The following ACMSD variants were observed in gnomAD, a reference collection of about 807,000 sequenced individuals.
ACMSD encodes the protein 2-amino-3-carboxymuconate-6-semialdehyde decarboxylase.
ACMSD carries 37 observed loss-of-function variants against 45.9 expected under a neutral mutation model. The observed-to-expected ratio is 0.81, with a 90% CI of 0.62 to 1.06. The LOEUF is 1.06. Ranked by LOEUF, ACMSD falls within the 50% of genes least tolerant of loss-of-function variation. The pLI is 0.00. For synonymous variants in ACMSD, 138 were observed against 148.8 expected (o/e 0.93, Z 0.53); for missense variants, 434 against 420.9 (o/e 1.03, Z -0.27).
chr2:134,894,292 G>A (rs192244524), intron 8 of ACMSD, among the ~76,000 whole-genome samples: 26 of 151,812 alleles, frequency 1.7e-4, no homozygotes, highest in Admixed American at 1.2e-3. Flanking sequence ...GAAATAGGAC[G>A]GCAGTACTAC....
chr2:134,862,960 G>T, intron 4 of ACMSD: 1 of 985,478 alleles, frequency 1.0e-6, no homozygotes, highest in Non-Finnish European at 1.2e-6. Context: ...GGCAGGACAA[G>T]TCAGTGAGCC....
Position 134,859,376 on chromosome 2 carries a change from C to G in ACMSD, c.199+19C>G, listed in dbSNP as rs1196107334. 1 of 1,600,200 alleles carries G rather than the reference C, an allele frequency of 6.2e-7. No individual in the cohort carries two copies. The highest frequency in any genetic ancestry group is 2.2e-5 in the East Asian group (1 of 44,842). On this transcript the variant is annotated intron_variant, in intron 3 of 9. Coordinates refer to ENST00000356140, the MANE Select transcript of ACMSD (RefSeq NM_138326.3). The stretch of plus-strand genomic sequence containing the variant: ...CAAAAAGGTACGATGAGAAGTGCTA[C>G]CAATGTTAGCATCTGATGTAAAAGC...
At position 134,838,642 on chromosome 2, in the gene ACMSD, T is replaced by C. The variant is rs1686640803; in HGVS notation, c.-41T>C. 1 of 1,568,942 alleles carries C rather than the reference T, an allele frequency of 6.4e-7. No individual in the cohort carries two copies. Among genetic ancestry groups the C allele is most frequent in the Non-Finnish European group, 8.7e-7 (1 of 1,143,436 alleles). On this transcript the variant is annotated 5_prime_UTR_variant, in exon 1 of 10. Coordinates refer to ENST00000356140, the MANE Select transcript of ACMSD (RefSeq NM_138326.3). ...CAGTTTTCACAAAGGTCTCTTGATA[T>C]CAAAACTTCTTTCCTTGCATGCTTC...
chr2:134,888,844 T>C (rs1185342190), intron 8 of ACMSD, among the ~76,000 whole-genome samples: 1 of 151,976 alleles, frequency 6.6e-6, no homozygotes, highest in Admixed American at 6.6e-5. Flanking sequence ...GTGGGAGAAC[T>C]GAGAGGAGAG....
chr2:134,855,347 T>C (rs998039), intron 2 of ACMSD, among the ~76,000 whole-genome samples: 7,257 of 152,278 alleles, frequency 0.048, 383 homozygotes, highest in East Asian at 0.14. Flanking sequence ...CCCAGCTGGA[T>C]ACTGCCCCCA....
chr2:134,854,532 CA>C (rs1200277875), intron 2 of ACMSD, among the ~76,000 whole-genome samples: 4 of 152,188 alleles, frequency 2.6e-5, no homozygotes, highest in Admixed American at 6.5e-5. Flanking sequence ...CAGTCATGTT[CA>C]ACATCTTAGA....
intron 4 of ACMSD, chr2:134,863,190 T>A: frequency 2.0e-6 from 1 of 508,090 alleles, no homozygotes; most frequent in Non-Finnish European, 2.5e-6. Context: ...ATCAGCAATA[T>A]ACCTGCAGTT....
intron 7 of ACMSD, among the ~76,000 whole-genome samples, chr2:134,871,673 CAACA>C (rs1559055039): frequency 3.0e-5 from 3 of 98,366 alleles, no homozygotes; most frequent in African/African-American, 1.3e-4. Context: ...TGTGACCCTT[CAACA>C]GACAGACACA....
intron 3 of ACMSD, among the ~76,000 whole-genome samples, chr2:134,861,356 T>C (rs1464232252): frequency 2.6e-5 from 4 of 152,224 alleles, no homozygotes; most frequent in South Asian, 2.1e-4. Flanking sequence ...CTTTGGTTTT[T>C]GTTGTGTGTT....
chr2:134,863,983 T>TA lies in ACMSD; in HGVS notation c.486+352_486+353insA, dbSNP rs1363237198. Among the ~76,000 whole-genome samples, 197 of 152,108 alleles carry TA rather than the reference T, an allele frequency of 1.3e-3. 1 individual carries two copies. The highest frequency in any genetic ancestry group is 6.0e-3 in the South Asian group (29 of 4,822). On this transcript the variant is annotated intron_variant, in intron 5 of 9. Transcript: ENST00000356140. ...AATGACATACAAATATATATATATA[T>TA]TTTGGCCAGGTGCAGCAGCTCACAC... is the stretch of plus-strand genomic sequence containing the variant.
At chr2:134,893,790 GA>G (rs1689931366) in intron 8 of ACMSD, among the ~76,000 whole-genome samples, 1 of 152,182 alleles carries the variant, frequency 6.6e-6, no homozygotes, top group South Asian at 2.1e-4. Context: ...ATTTCTAGAT[GA>G]AACAAACTGA....
intron 8 of ACMSD, among the ~76,000 whole-genome samples, chr2:134,893,620 G>T (rs951609651): frequency 6.6e-6 from 1 of 152,102 alleles, no homozygotes; most frequent in African/African-American, 2.4e-5. Context: ...TGATTCCTAT[G>T]ATTCTATCCT....
At chr2:134,888,522 A>C (rs546391271) in intron 8 of ACMSD, among the ~76,000 whole-genome samples, 54 of 152,328 alleles carry the variant, frequency 3.5e-4, no homozygotes, top group African/African-American at 1.3e-3. Flanking sequence ...CTTGTATAAA[A>C]AAGTTCTTGG....
intron 9 of ACMSD, among the ~76,000 whole-genome samples, chr2:134,899,219 C>T (rs897931485): frequency 1.3e-5 from 2 of 152,114 alleles, no homozygotes; most frequent in Admixed American, 1.3e-4. Flanking sequence ...TTACCTTGAA[C>T]TCTCCCTGCC....
At chr2:134,847,933 C>T (rs1037380734) in intron 2 of ACMSD, among the ~76,000 whole-genome samples, 23 of 151,990 alleles carry the variant, frequency 1.5e-4, no homozygotes, top group African/African-American at 5.5e-4. Flanking sequence ...CTCACCGCAA[C>T]CTCTGCCTCC....
intron 8 of ACMSD, among the ~76,000 whole-genome samples, chr2:134,887,937 G>A (rs921312165): frequency 1.3e-5 from 2 of 151,994 alleles, no homozygotes; most frequent in African/African-American, 4.8e-5. Flanking sequence ...AAATATAGAA[G>A]AATATCTCTT....
At chr2:134,892,313 G>A (rs1472646897) in intron 8 of ACMSD, among the ~76,000 whole-genome samples, 1 of 151,856 alleles carries the variant, frequency 6.6e-6, no homozygotes, top group African/African-American at 2.4e-5. Context: ...ACATGAATTG[G>A]GAAAACTAAA....
chr2:134,864,730 T>C (rs1320353660), intron 5 of ACMSD, among the ~76,000 whole-genome samples: 1 of 152,228 alleles, frequency 6.6e-6, no homozygotes, highest in Non-Finnish European at 1.5e-5. Flanking sequence ...ATAGGGATGC[T>C]CATTGTGTTA....
In ACMSD at chr2:134,859,340, G is replaced by A; in HGVS notation, c.182G>A (p.Arg61Lys). ...ENCWDPEVRIREMDQKGVTVQ... is the reference protein window; with the variant it reads ...ENCWDPEVRIKEMDQKGVTVQ... ...TGCTGGGATCCAGAAGTTCGTATTA[G>A]AGAAATGGACCAAAAAGGTACGATG... The change falls in exon 3 of 10, where the codon AGA (arginine) becomes AAA (lysine). Residue 61 changes from arginine to lysine, a missense_variant. Transcript: ENST00000356140. 1 of 1,614,024 alleles carries A rather than the reference G, an allele frequency of 6.2e-7. No homozygotes were observed. Among genetic ancestry groups the A allele is most frequent in the South Asian group, 1.1e-5 (1 of 91,070 alleles).
Sources: gnomAD v4.1 joint callset for allele counts (sites outside exome capture counted in the v4.1 genomes callset) on GRCh38, gnomAD v4.1.1 for gene constraint, MANE v1.5 for transcripts, NCBI Gene and HGNC (gene_info 2026-07-23, HGNC 2026-07-21) for gene names.